The following USP25 variants were observed in gnomAD, a reference collection of about 807,000 sequenced individuals.
USP25 encodes the protein ubiquitin specific peptidase 25.
A neutral mutation model predicts 158.5 loss-of-function variants in USP25; 85 were observed. That is an observed-to-expected ratio of 0.54 (90% CI 0.45 to 0.64). The LOEUF (loss-of-function observed/expected upper bound fraction) is 0.64. USP25 is among the 30% of genes least tolerant of loss of function. The pLI is 0.00. For missense variants in USP25, 1,242 were observed against 1,327.3 expected (o/e 0.94, Z 1.00); for synonymous variants, 464 against 460.4 (o/e 1.01, Z -0.10).
intron 1 of USP25, among the ~76,000 whole-genome samples, chr21:15,730,976 GTTTTTT>G (rs748732727): frequency 8.2e-4 from 44 of 53,652 alleles, no homozygotes; most frequent in African/African-American, 2.1e-3. Context: ...CTTCTTTTCT[GTTTTTT>G]TTTTTTTTTT....
chr21:15,863,521 T>C (rs2039521642), intron 20 of USP25, among the ~76,000 whole-genome samples: 1 of 152,142 alleles, frequency 6.6e-6, no homozygotes, highest in Admixed American at 6.6e-5. Context: ...TTGAGTATTG[T>C]TGGGAGCTAT....
chr21:15,842,446 A>G lies in USP25; in HGVS notation c.2243A>G (p.Asp748Gly). 1 of 1,613,752 alleles carries G rather than the reference A, an allele frequency of 6.2e-7. No individual in the cohort carries two copies. ...TATCTAGAGCAGCCATCAAGAAGTG[A>G]TTTCTCAAAGCACTTGAAAGAAGAA... ...PEYLEQPSRS[D>G]FSKHLKEETI... Residue 748 changes from aspartate (D) to glycine (G), a missense_variant, in exon 18 of 26, where the codon GAT becomes GGT. Asp to Gly is a moderately conservative substitution (Grantham distance 94). Transcript: ENST00000400183.
At chr21:15,745,783 C>A (rs2032505512) in intron 1 of USP25, among the ~76,000 whole-genome samples, 1 of 152,070 alleles carries the variant, frequency 6.6e-6, no homozygotes, top group Admixed American at 6.5e-5. Context: ...GCTGCTTTAA[C>A]CATTTTCTTG....
rs1208459118 is a variant in USP25, at chr21:15,879,071, A to T, written c.*596A>T. Reference sequence around the variant, plus strand: ...AAAATGTTTAAGTCTTTGACACTTAAATTTATCTATATTTTTAACAAAGTT... The same window carrying T: ...AAAATGTTTAAGTCTTTGACACTTATATTTATCTATATTTTTAACAAAGTT... On this transcript the variant is annotated 3_prime_UTR_variant, in exon 26 of 26. Coordinates refer to ENST00000400183, the MANE Select transcript of USP25 (RefSeq NM_001283041.3). The T allele has an allele frequency of 6.6e-6, 1 of 152,508 alleles. No individual in the cohort carries two copies. The highest frequency in any genetic ancestry group is 1.5e-5 in the Non-Finnish European group (1 of 68,002). The allele number at this position is 152,508 out of a possible 1,614,324, so 9.4% of individuals were successfully genotyped here.
rs1047061241 is a variant in USP25 at position 15,879,606 on chromosome 21, A to G, written c.*1131A>G. The G allele has an allele frequency of 1.3e-5, 2 of 152,592 alleles. No individual in the cohort carries two copies. Among genetic ancestry groups the G allele is most frequent in the African/African-American group, 4.8e-5 (2 of 41,454 alleles). The allele number at this position is 152,592 out of a possible 1,614,324, so 9.5% of individuals were successfully genotyped here. On this transcript the variant is annotated 3_prime_UTR_variant, in exon 26 of 26. Transcript: ENST00000400183. ...ATTAATATTGTGAATGAAAATCAAA[A>G]TCCATACTTTAAAGGTAATCATGTT...
chr21:15,739,699 C>T (rs1165002612), intron 1 of USP25, among the ~76,000 whole-genome samples: 1 of 152,186 alleles, frequency 6.6e-6, no homozygotes, highest in Non-Finnish European at 1.5e-5. Flanking sequence ...TAAGCACTGA[C>T]CTGCAGCAGT....
In USP25 at chr21:15,866,353, C is replaced by CT. The variant is rs1478791367; in HGVS notation, c.2805+12dup. 3 of 1,589,564 alleles carry CT rather than the reference C, an allele frequency of 1.9e-6. No homozygotes were observed. Among genetic ancestry groups the CT allele is most frequent in the Non-Finnish European group, 2.6e-6 (3 of 1,167,730 alleles). ...ACTTGGAGGAATATGAGGTAATGTG[C>CT]TTTCTTAGAGGTTAAACTACAGATT... is the stretch of plus-strand genomic sequence containing the variant. On this transcript the variant is annotated intron_variant, in intron 22 of 25. Coordinates refer to ENST00000400183, the MANE Select transcript of USP25 (RefSeq NM_001283041.3).
At chr21:15,750,517 A>T (rs534404170) in intron 1 of USP25, among the ~76,000 whole-genome samples, 1 of 152,140 alleles carries the variant, frequency 6.6e-6, no homozygotes, top group East Asian at 1.9e-4. Flanking sequence ...GGCATGAACA[A>T]TTGTGCCCGA....
chr21:15,833,622 A>C (rs564544429), intron 17 of USP25, 74 bp downstream of exon 17: 2 of 1,323,134 alleles, frequency 1.5e-6, no homozygotes, highest in Admixed American at 4.8e-5. Context: ...ATTATTAAAA[A>C]GTTTTAGCTA....
At chr21:15,803,415 T>G (rs1481107369) in intron 6 of USP25, among the ~76,000 whole-genome samples, 1 of 151,718 alleles carries the variant, frequency 6.6e-6, no homozygotes. Flanking sequence ...CATAGAGAAG[T>G]GGGGCTTATC....
In USP25 at chr21:15,816,844, A is replaced by G. The variant is rs2036961968; in HGVS notation, c.932-1854A>G. On this transcript the variant is annotated intron_variant, in intron 9 of 25. Transcript: ENST00000400183. The surrounding 1 kb of genome is among the most constrained non-coding windows in gnomAD (Gnocchi z 4.0). ...ACTTAAGTGGTGCCATTTTCAGTCCATAATCTGCCAGGCATGATGGTTCAT... is the reference window on the plus strand; with the variant it reads ...ACTTAAGTGGTGCCATTTTCAGTCCGTAATCTGCCAGGCATGATGGTTCAT... Among the ~76,000 whole-genome samples the G allele has an allele frequency of 6.6e-6, 1 of 152,126 alleles. No individual in the cohort carries two copies. The highest frequency in any genetic ancestry group is 1.5e-5 in the Non-Finnish European group (1 of 68,014).
At chr21:15,841,606 AT>A (rs2038338532) in intron 17 of USP25, among the ~76,000 whole-genome samples, 1 of 152,102 alleles carries the variant, frequency 6.6e-6, no homozygotes. Flanking sequence ...TCACATCCAA[AT>A]TGCTCACATC....
At chr21:15,785,501 G>A (rs549237132) in intron 4 of USP25, among the ~76,000 whole-genome samples, 5 of 152,202 alleles carry the variant, frequency 3.3e-5, no homozygotes, top group Admixed American at 3.3e-4. Context: ...TATAAAGCTA[G>A]AAATCAACAA....
At chr21:15,842,891 A>G (rs571984304) in intron 18 of USP25, among the ~76,000 whole-genome samples, 3 of 152,264 alleles carry the variant, frequency 2.0e-5, no homozygotes, top group South Asian at 4.1e-4. Flanking sequence ...ATCTGATTAC[A>G]TGGGAATAGT....
chr21:15,834,736 T>C (rs944754490), intron 17 of USP25, among the ~76,000 whole-genome samples: 3 of 152,198 alleles, frequency 2.0e-5, no homozygotes, highest in Non-Finnish European at 4.4e-5. Context: ...TAATTCAGCA[T>C]TTTTTAAAAA....
intron 8 of USP25, 52 bp from the exon 9 acceptor site, chr21:15,811,085 A>G (rs2036636335): frequency 2.0e-6 from 3 of 1,489,904 alleles, no homozygotes; most frequent in South Asian, 2.4e-5. Context: ...TATTTTCTCT[A>G]TTTATAGGTC....
intron 3 of USP25, among the ~76,000 whole-genome samples, chr21:15,767,753 CAG>C (rs2034125479): frequency 6.6e-6 from 1 of 151,970 alleles, no homozygotes; most frequent in African/African-American, 2.4e-5. Flanking sequence ...ATTGACTAAA[CAG>C]AGATCATTGT....
Position 15,832,552 on chromosome 21 carries a change from CTACT to C in USP25, c.1994-793_1994-790del, listed in dbSNP as rs541242648. Reference sequence around the variant, plus strand: ...AATTTTCATAATTGCATATTTAAGTCTACTTAATTTCTTCATATGACAAACAATT... The same window carrying C: ...AATTTTCATAATTGCATATTTAAGTCTAATTTCTTCATATGACAAACAATT... On this transcript the variant is annotated intron_variant, in intron 16 of 25. Coordinates refer to ENST00000400183, the MANE Select transcript of USP25 (RefSeq NM_001283041.3). Among the ~76,000 whole-genome samples, 24 of 152,182 alleles carry C rather than the reference CTACT, an allele frequency of 1.6e-4. No individual in the cohort carries two copies. In the East Asian group the frequency reaches 4.6e-3, roughly 29 times the overall value.
intron 1 of USP25, among the ~76,000 whole-genome samples, chr21:15,739,208 C>A (rs1056761716): frequency 6.6e-6 from 1 of 152,018 alleles, no homozygotes; most frequent in African/African-American, 2.4e-5. Flanking sequence ...CTAGCAAATA[C>A]TTCCAATAAA....
Sources: allele counts gnomAD v4.1 joint callset (sites outside exome capture counted in the v4.1 genomes callset), GRCh38; gene constraint gnomAD v4.1.1; non-coding constraint Gnocchi (gnomAD v3.1); transcripts MANE v1.5; gene names NCBI Gene and HGNC (gene_info 2026-07-23, HGNC 2026-07-21).